Variants in FAF1 observed in about 807,000 individuals in gnomAD.
FAF1 encodes the protein Fas associated factor 1.
In FAF1, 25 loss-of-function variants were observed where a neutral mutation model predicts 92.5. That is an observed-to-expected ratio of 0.27 (90% CI 0.20 to 0.38). The LOEUF (loss-of-function observed/expected upper bound fraction) is 0.38, where lower values mean the gene tolerates loss of function less well. Among genes scored for constraint, FAF1 ranks in the 10% least tolerant of loss-of-function variants. The pLI is 1.00. For missense variants in FAF1, 636 were observed against 793.3 expected (o/e 0.80, Z 2.38); for synonymous variants, 234 against 273.2 (o/e 0.86, Z 1.42).
At chr1:50,817,892 A>G (rs1346930643) in intron 2 of FAF1, among the ~76,000 whole-genome samples, 2 of 152,228 alleles carry the variant, frequency 1.3e-5, no homozygotes, top group Non-Finnish European at 2.9e-5. Context: ...TTTAATTCAC[A>G]AAATATTTTC....
chr1:50,622,776 GA>G (rs1481760036), intron 8 of FAF1, among the ~76,000 whole-genome samples: 19 of 152,194 alleles, frequency 1.2e-4, no homozygotes, highest in African/African-American at 4.6e-4. Context: ...ACTAAAGTGG[GA>G]TATCCCTGAA....
chr1:50,674,334 A>G (rs1000513109), intron 7 of FAF1, among the ~76,000 whole-genome samples: 6 of 151,958 alleles, frequency 3.9e-5, no homozygotes, highest in African/African-American at 1.2e-4. Context: ...TCTGTAGATC[A>G]TCCCCTCCCC....
At chr1:50,953,752 A>G (rs930152106) in intron 1 of FAF1, among the ~76,000 whole-genome samples, 2 of 152,244 alleles carry the variant, frequency 1.3e-5, no homozygotes, top group East Asian at 3.9e-4. Flanking sequence ...ACAAAAAAAA[A>G]GAAAGAAAAG....
intron 15 of FAF1, among the ~76,000 whole-genome samples, chr1:50,500,759 C>T (rs751212638): frequency 1.8e-4 from 28 of 151,894 alleles, no homozygotes; most frequent in Non-Finnish European, 2.6e-4. Flanking sequence ...ATATGTACAA[C>T]TATTATGTAT....
At chr1:50,887,661 C>A (rs978159957) in intron 1 of FAF1, among the ~76,000 whole-genome samples, 4 of 152,112 alleles carry the variant, frequency 2.6e-5, no homozygotes, top group African/African-American at 7.2e-5. Flanking sequence ...TTGTTTTTAT[C>A]AGGTTTGTCA....
intron 4 of FAF1, among the ~76,000 whole-genome samples, chr1:50,776,657 T>C (rs1249669208): frequency 1.3e-5 from 2 of 151,822 alleles, no homozygotes; most frequent in South Asian, 4.1e-4. Context: ...TAATATATAA[T>C]TGCATTCCAG....
intron 18 of FAF1, among the ~76,000 whole-genome samples, chr1:50,446,039 G>A (rs1646223448): frequency 6.6e-6 from 1 of 152,146 alleles, no homozygotes; most frequent in South Asian, 2.1e-4. Context: ...TGAGAAAAAT[G>A]TGAATCCATG....
intron 6 of FAF1, among the ~76,000 whole-genome samples, chr1:50,725,499 A>G (rs1236794914): frequency 6.6e-6 from 1 of 152,224 alleles, no homozygotes; most frequent in Non-Finnish European, 1.5e-5. Flanking sequence ...TCTGTTGCCC[A>G]GGATGGAGTA....
chr1:50,444,568 G>A (rs752201458), intron 18 of FAF1, among the ~76,000 whole-genome samples: 1 of 152,166 alleles, frequency 6.6e-6, no homozygotes, highest in Non-Finnish European at 1.5e-5. Context: ...AGCAGCTGCC[G>A]ACGTGGCTAC....
rs1661058381 is a variant in FAF1, at chr1:50,778,883, T to A, written c.367+9117A>T. Among the ~76,000 whole-genome samples the A allele has an allele frequency of 3.9e-5, 6 of 152,014 alleles. No homozygotes were observed. In the South Asian group the frequency reaches 1.2e-3, roughly 31 times the overall value. On this transcript the variant is annotated intron_variant, in intron 4 of 18. Coordinates refer to ENST00000396153, the MANE Select transcript of FAF1 (RefSeq NM_007051.3). Reference sequence around the variant, plus strand: ...CACAAATAGAGCTTGCTGCATCGATTAACTTCCTTTCATGAAAAGTTTTGC... The same window carrying A: ...CACAAATAGAGCTTGCTGCATCGATAAACTTCCTTTCATGAAAAGTTTTGC...
chr1:50,682,545 A>T (rs1656469934), intron 7 of FAF1, among the ~76,000 whole-genome samples: 1 of 152,198 alleles, frequency 6.6e-6, no homozygotes, highest in Non-Finnish European at 1.5e-5. Flanking sequence ...TTACCAACAA[A>T]ATATTAAACC....
chr1:50,534,930 T>C (rs1397443502), intron 15 of FAF1, among the ~76,000 whole-genome samples: 6 of 152,330 alleles, frequency 3.9e-5, no homozygotes, highest in South Asian at 2.1e-4. Flanking sequence ...TGGAGATCTT[T>C]TGCTAATGCT....
At position 50,582,671 on chromosome 1, in the gene FAF1, T is replaced by C. The variant is rs759350149; in HGVS notation, c.1060A>G (p.Ile354Val). Residue 354 changes from isoleucine to valine, a missense_variant, in exon 12 of 19, where the codon ATT (isoleucine) becomes GTT (valine). Around this residue, in one of 2 missense-constraint regions of FAF1, gnomAD observed 319 missense variants for 451.0 expected, o/e 0.71. Transcript: ENST00000396153. The part of the protein sequence containing the change: ...RYGDCHPVFF[I>V]GSLEAAFQEA... ...TGAAAAGCAGCTTCTAATGAGCCAA[T>C]AAAAAATACAGGATGGCAATCACCA... The C allele has an allele frequency of 5.0e-6, 8 of 1,611,696 alleles. No homozygotes were observed. Among genetic ancestry groups the C allele is most frequent in the Non-Finnish European group, 5.9e-6 (7 of 1,178,010 alleles).
rs1226080259 is a variant in FAF1 at position 50,530,759 on chromosome 1, T to A, written c.1494+4610A>T. Among the ~76,000 whole-genome samples the A allele has an allele frequency of 2.0e-5, 3 of 152,172 alleles. No homozygotes were observed. The East Asian group carries it at 5.8e-4, about 29-fold the overall frequency. ...ACATTTCATGTACTCCATAAACATATACACCTACTGTGTACCCAAAAAATG... is the reference window on the plus strand; with the variant it reads ...ACATTTCATGTACTCCATAAACATAAACACCTACTGTGTACCCAAAAAATG... On this transcript the variant is annotated intron_variant, in intron 15 of 18. Transcript: ENST00000396153.
intron 7 of FAF1, among the ~76,000 whole-genome samples, chr1:50,675,812 G>A (rs1386689249): frequency 2.0e-5 from 3 of 152,188 alleles, no homozygotes; most frequent in Non-Finnish European, 4.4e-5. Context: ...ATGATACAAT[G>A]TGATAGTTAT....
intron 7 of FAF1, among the ~76,000 whole-genome samples, chr1:50,658,448 A>G (rs1185165234): frequency 6.6e-6 from 1 of 152,178 alleles, no homozygotes; most frequent in Non-Finnish European, 1.5e-5. Context: ...TACAACAATA[A>G]AGTATTATGA....
At chr1:50,681,798 C>T (rs573699664) in intron 7 of FAF1, among the ~76,000 whole-genome samples, 2 of 151,400 alleles carry the variant, frequency 1.3e-5, no homozygotes, top group Admixed American at 1.3e-4. Flanking sequence ...GCATTACAAG[C>T]ATGAGCCACT....
chr1:50,862,018 C>A (rs958607472), intron 1 of FAF1, among the ~76,000 whole-genome samples: 1 of 151,320 alleles, frequency 6.6e-6, no homozygotes, highest in Non-Finnish European at 1.5e-5. Context: ...TAGACTAAGA[C>A]AGGAACCACT....
chr1:50,522,024 A>G (rs751114499), intron 15 of FAF1, among the ~76,000 whole-genome samples: 5 of 152,248 alleles, frequency 3.3e-5, no homozygotes, highest in Admixed American at 6.5e-5. Context: ...CACTTTAAGA[A>G]CAACAAATGT....
Sources: allele counts gnomAD v4.1 joint callset (sites outside exome capture counted in the v4.1 genomes callset), GRCh38; gene constraint gnomAD v4.1.1; regional missense constraint gnomAD v4.1.1; transcripts MANE v1.5; gene names NCBI Gene and HGNC (gene_info 2026-07-23, HGNC 2026-07-21).